Variants in TMIGD3 observed in about 807,000 individuals in gnomAD.
TMIGD3 encodes the protein AD026 protein (AD026).
TMIGD3 carries 21 observed loss-of-function variants against 28.1 expected under a neutral mutation model. The ratio of observed to expected loss-of-function variants is 0.75; its 90% confidence interval spans 0.53 to 1.08. The LOEUF is 1.08. Among genes scored for constraint, TMIGD3 ranks in the 50% least tolerant of loss-of-function variants. The pLI is 0.00. For synonymous variants in TMIGD3, 151 were observed against 162.1 expected (o/e 0.93, Z 0.52); for missense variants, 416 against 435.6 (o/e 0.96, Z 0.40).
At chr1:111,528,949 T>C (rs1350810608) in intron 1 of TMIGD3, among the ~76,000 whole-genome samples, 1 of 152,082 alleles carries the variant, frequency 6.6e-6, no homozygotes, top group Non-Finnish European at 1.5e-5. Context: ...AATCATGTCA[T>C]TTGCAAAAAC....
intron 1 of TMIGD3, among the ~76,000 whole-genome samples, chr1:111,495,337 A>G (rs749393996): frequency 2.6e-4 from 39 of 152,228 alleles, no homozygotes; most frequent in Non-Finnish European, 5.4e-4. Flanking sequence ...GAAGACATAC[A>G]TGTGGCCAAA....
chr1:111,560,225 C>T (rs543850543), intron 1 of TMIGD3, among the ~76,000 whole-genome samples: 78 of 152,264 alleles, frequency 5.1e-4, no homozygotes, highest in African/African-American at 1.8e-3. Context: ...AGCCCAACCT[C>T]GTCTTACAAT....
At chr1:111,534,541 T>C (rs1372737885) in intron 1 of TMIGD3, among the ~76,000 whole-genome samples, 1 of 152,190 alleles carries the variant, frequency 6.6e-6, no homozygotes, top group Non-Finnish European at 1.5e-5. Flanking sequence ...AATTGATCAA[T>C]TTTTATAAGT....
intron 1 of TMIGD3, among the ~76,000 whole-genome samples, chr1:111,561,720 T>C (rs1033746209): frequency 2.0e-5 from 3 of 152,000 alleles, no homozygotes; most frequent in African/African-American, 7.3e-5. Context: ...CTTAATGGAG[T>C]CTTTCTCTCA....
intron 1 of TMIGD3, among the ~76,000 whole-genome samples, chr1:111,543,976 T>C (rs1656944228): frequency 6.6e-6 from 1 of 152,212 alleles, no homozygotes. Context: ...TGAAGGTTTC[T>C]AAATTTTATT....
At chr1:111,542,164 G>T in intron 1 of TMIGD3, 1 of 424,044 alleles carries the variant, frequency 2.4e-6, no homozygotes, top group Non-Finnish European at 4.8e-6. Flanking sequence ...TTGAGTAGAT[G>T]CCTTGGATAA....
rs897923167 is a variant in TMIGD3 at position 111,502,366 on chromosome 1, T to C, written c.350+639A>G. 4.2e-4 allele frequency among the ~76,000 whole-genome samples: 54 copies of C among 128,526 alleles called. 17 individuals carry two copies. The highest frequency in any genetic ancestry group is 2.0e-3 in the East Asian group (8 of 3,976). The allele number at this position is 128,526 out of a possible 152,430, so 84.3% of individuals were successfully genotyped here. On this transcript the variant is annotated intron_variant, in intron 1 of 5. Coordinates refer to ENST00000369716, the MANE Select transcript of TMIGD3 (RefSeq NM_020683.7). ...TTATAATGAATATATATAGGATACA[T>C]ATATTTATTATAATGAATATATATA...
In TMIGD3 at chr1:111,485,846, A is replaced by G. The variant is rs1054059047; in HGVS notation, c.873-6T>C. ...AAATGATGAGAATGGACGTCCTAGA[A>G]GGAACCACAGCAGATTTCATGTTGC... is the stretch of plus-strand genomic sequence containing the variant. On this transcript the variant is annotated splice_region_variant and splice_polypyrimidine_tract_variant and intron_variant, in intron 4 of 5. Coordinates refer to ENST00000369716, the MANE Select transcript of TMIGD3 (RefSeq NM_020683.7). 3 of 1,601,968 alleles carry G rather than the reference A, an allele frequency of 1.9e-6. No homozygotes were observed. Among genetic ancestry groups the G allele is most frequent in the Non-Finnish European group, 2.6e-6 (3 of 1,172,278 alleles).
chr1:111,507,216 G>A (rs1271529017), upstream of TMIGD3, among the ~76,000 whole-genome samples: 2 of 151,690 alleles, frequency 1.3e-5, no homozygotes, highest in Non-Finnish European at 2.9e-5. Flanking sequence ...GAGGCCAGGA[G>A]CTCAAGACCA....
chr1:111,554,466 G>C (rs1657400293), intron 1 of TMIGD3, among the ~76,000 whole-genome samples: 1 of 152,200 alleles, frequency 6.6e-6, no homozygotes, highest in Non-Finnish European at 1.5e-5. Flanking sequence ...AACATTTGCT[G>C]GTCCACAGTA....
At chr1:111,502,267 GATAT>G (rs1372265617) in intron 1 of TMIGD3, among the ~76,000 whole-genome samples, 2 of 66,164 alleles carry the variant, frequency 3.0e-5, no homozygotes, top group African/African-American at 1.1e-4. Context: ...AAATATATAG[GATAT>G]ATATTCATTA....
At chr1:111,515,426 G>GC (rs1655827524) in intron 1 of TMIGD3, among the ~76,000 whole-genome samples, 1 of 152,184 alleles carries the variant, frequency 6.6e-6, no homozygotes, top group African/African-American at 2.4e-5. Flanking sequence ...GGAAGGAGTC[G>GC]CCGCTGAGAG....
intron 1 of TMIGD3, among the ~76,000 whole-genome samples, chr1:111,539,613 C>T (rs1462700587): frequency 2.6e-5 from 4 of 152,038 alleles, no homozygotes; most frequent in African/African-American, 9.7e-5. Context: ...TTATATTTTA[C>T]CACAATTAAA....
intron 5 of TMIGD3, among the ~76,000 whole-genome samples, chr1:111,484,669 G>C (rs191950648): frequency 1.3e-5 from 2 of 152,318 alleles, no homozygotes; most frequent in African/African-American, 4.8e-5. Flanking sequence ...TGAAGCCTTT[G>C]CTTTGCATTT....
At chr1:111,526,064 A>G (rs564238749) in intron 1 of TMIGD3, among the ~76,000 whole-genome samples, 2 of 150,870 alleles carry the variant, frequency 1.3e-5, no homozygotes, top group Non-Finnish European at 3.0e-5. Context: ...CTTTTTATGC[A>G]TTCTTTTGAA....
intron 1 of TMIGD3, among the ~76,000 whole-genome samples, chr1:111,527,556 C>T (rs936651051): frequency 9.9e-5 from 15 of 152,148 alleles, no homozygotes; most frequent in Admixed American, 5.9e-4. Context: ...TGTATGATAA[C>T]AATATATTTA....
chr1:111,560,683 G>T (rs190266825), intron 1 of TMIGD3, among the ~76,000 whole-genome samples: 3 of 151,924 alleles, frequency 2.0e-5, no homozygotes, highest in Non-Finnish European at 4.4e-5. Flanking sequence ...GGAGAGACAG[G>T]GACCCACTTT....
chr1:111,511,898 C>CAGGAGTAA (rs1655703451), intron 1 of TMIGD3, among the ~76,000 whole-genome samples: 1 of 152,332 alleles, frequency 6.6e-6, no homozygotes, highest in Admixed American at 6.5e-5. Context: ...GACCACTGAT[C>CAGGAGTAA]TTGCCCCAAA....
intron 1 of TMIGD3, among the ~76,000 whole-genome samples, chr1:111,549,929 A>T (rs1263263693): frequency 6.6e-6 from 1 of 152,212 alleles, no homozygotes; most frequent in Non-Finnish European, 1.5e-5. Context: ...CTGGAATTAC[A>T]GGCATGAGCA....
Sources: allele counts gnomAD v4.1 joint callset (sites outside exome capture counted in the v4.1 genomes callset), GRCh38; gene constraint gnomAD v4.1.1; transcripts MANE v1.5; gene names NCBI Gene and HGNC (gene_info 2026-07-23, HGNC 2026-07-21).